Variants in ATP2B3 observed in about 807,000 individuals in gnomAD.
ATP2B3 encodes the protein ATPase plasma membrane Ca2+ transporting 3.
A neutral mutation model predicts 70.8 loss-of-function variants in ATP2B3; 12 were observed. The ratio of observed to expected loss-of-function variants is 0.17; its 90% CI spans 0.11 to 0.27. The LOEUF (loss-of-function observed/expected upper bound fraction) is 0.27. ATP2B3 is among the 10% of genes least tolerant of loss of function. The pLI, the probability that ATP2B3 is intolerant of heterozygous loss-of-function variation, is 1.00. For synonymous variants in ATP2B3, 460 were observed against 497.8 expected (o/e 0.92, Z 1.01); for missense variants, 858 against 1,118.5 (o/e 0.77, Z 3.32).
intron 13 of ATP2B3, among the ~76,000 whole-genome samples, chrX:153,554,103 C>T (rs782031987): frequency 2.7e-4 from 31 of 113,991 alleles, no homozygotes; most frequent in African/African-American, 9.5e-4. Flanking sequence ...TGCGTCTAAA[C>T]GCCAGCCATG....
intron 2 of ATP2B3, among the ~76,000 whole-genome samples, chrX:153,535,697 C>T (rs2090180763): frequency 8.9e-6 from 1 of 112,762 alleles, no homozygotes; most frequent in South Asian, 3.6e-4. Context: ...GGGAGTGAAC[C>T]GGAGTGAACA....
chrX:153,567,218 G>T (rs998784948), intron 21 of ATP2B3, among the ~76,000 whole-genome samples: 2 of 113,359 alleles, frequency 1.8e-5, no homozygotes, highest in Admixed American at 1.8e-4. Flanking sequence ...ACAGGCCAGG[G>T]GTGCAGCACA....
chrX:153,564,066 C>A (rs1345485443), intron 20 of ATP2B3, among the ~76,000 whole-genome samples: 1 of 112,252 alleles, frequency 8.9e-6, no homozygotes, highest in East Asian at 2.8e-4. Context: ...TTTACTCCTG[C>A]CAGGCTCCTT....
chrX:153,548,284 G>C (rs1557009661), intron 9 of ATP2B3, among the ~76,000 whole-genome samples: 1 of 111,709 alleles, frequency 9.0e-6, no homozygotes, highest in East Asian at 2.9e-4. Context: ...TCTGCCCCTG[G>C]CACCCTCAAA....
intron 2 of ATP2B3, among the ~76,000 whole-genome samples, chrX:153,519,920 A>G (rs1473558594): frequency 2.7e-5 from 3 of 112,918 alleles, no homozygotes; most frequent in African/African-American, 9.6e-5. Flanking sequence ...GGGGACAGCC[A>G]CAATGCCAGG....
At chrX:153,558,490 G>A (rs782708689) in intron 17 of ATP2B3, among the ~76,000 whole-genome samples, 187 bp downstream of exon 17, 6 of 112,550 alleles carry the variant, frequency 5.3e-5, no homozygotes, top group East Asian at 5.6e-4. Context: ...CATTCACCAC[G>A]TTGTGCAACC....
rs1486023084 is a variant in ATP2B3 at position 153,550,025 on chromosome X, T to C, written c.1582-20T>C. ...GTGGTCTCAGGCCCCCAGTGCCTGC[T>C]AGCCCTCGTCATCTTGCAGCCTCCT... On this transcript the variant is annotated intron_variant, in intron 11 of 21. Coordinates refer to ENST00000263519, the MANE Select transcript of ATP2B3 (RefSeq NM_001001344.3). 1.7e-6 allele frequency: 2 copies of C among 1,205,352 alleles called. No individual in the cohort carries two copies. The highest frequency in any genetic ancestry group is 2.2e-6 in the Non-Finnish European group (2 of 891,115).
intron 21 of ATP2B3, among the ~76,000 whole-genome samples, chrX:153,571,002 G>GCACACA (rs782372965): frequency 3.0e-4 from 8 of 26,748 alleles, no homozygotes; most frequent in East Asian, 8.2e-4. Context: ...ACGTGCGCGC[G>GCACACA]TACACACACA....
At position 153,580,208 on chromosome X, in the gene ATP2B3, C is replaced by G; in HGVS notation, c.3573C>G (p.Tyr1191Ter). 1 of 1,202,234 alleles carries G rather than the reference C, an allele frequency of 8.3e-7. No homozygotes were observed. The highest frequency in any genetic ancestry group is 1.1e-6 in the Non-Finnish European group (1 of 889,129). ...QNNNAIDSGI[Y>*]LTTHVTKSAT... ...ACAACGCCATAGACAGCGGCATCTA[C>G]CTGACCACGCATGTCACCAAGTCAG... Residue 1191 changes from tyrosine to a stop codon, truncating the protein, a stop_gained, in exon 22 of 22, where the codon TAC becomes TAG. Transcript: ENST00000263519. LOFTEE classifies it high-confidence loss of function.
intron 19 of ATP2B3, among the ~76,000 whole-genome samples, chrX:153,561,418 A>G (rs1303758906): frequency 8.9e-6 from 1 of 112,367 alleles, no homozygotes; most frequent in Non-Finnish European, 1.9e-5. Flanking sequence ...AAAGGTCAAG[A>G]GACAGTTGCC....
chrX:153,529,842 C>T (rs1188340968), intron 2 of ATP2B3, among the ~76,000 whole-genome samples: 5 of 111,863 alleles, frequency 4.5e-5, no homozygotes, highest in Admixed American at 1.9e-4. Context: ...CTGGCTCCTT[C>T]TACTGAGTCC....
Position 153,549,807 on chromosome X carries a change from C to T in ATP2B3, c.1581+68C>T, listed in dbSNP as rs782291781. On this transcript the variant is annotated intron_variant, in intron 11 of 21. Transcript: ENST00000263519. The stretch of plus-strand genomic sequence containing the variant: ...GCAGGGGAGGGTCCTGGCCAGGGTG[C>T]CAGGTGAGCTGTTGCAAGGTGCTCA... 3 of 1,144,447 alleles carry T rather than the reference C, an allele frequency of 2.6e-6. No homozygotes were observed. The Admixed American group carries it at 7.3e-5, about 28-fold the overall frequency. 94.3% of individuals were successfully genotyped at this position (1,144,447 alleles called of 1,213,427 possible). A position where few individuals can be genotyped will look rare whatever the true frequency, so the allele number is the denominator to read the frequency against.
chrX:153,582,650 T>C lies in ATP2B3; in HGVS notation c.*2352T>C, dbSNP rs1240390589. On this transcript the variant is annotated 3_prime_UTR_variant, in exon 22 of 22. Transcript: ENST00000263519. ...AAACGGGGTACCATGACCTGGAATC[T>C]TTTGCTCTTGTTTTTGCAGTCTTCA... The C allele has an allele frequency of 8.8e-6, 1 of 113,042 alleles. No homozygotes were observed. Among genetic ancestry groups the C allele is most frequent in the Non-Finnish European group, 1.9e-5 (1 of 53,378 alleles). The allele number at this position is 113,042 out of a possible 1,213,427, so 9.3% of individuals were successfully genotyped here.
In ATP2B3 at chrX:153,543,078, G is replaced by A; in HGVS notation, c.826G>A (p.Val276Met). ...HVMEGSGRMV[V>M]TAVGVNSQTG... The stretch of plus-strand genomic sequence containing the variant: ...CATGGAAGGTTCTGGAAGAATGGTG[G>A]TGACCGCCGTTGGCGTGAATTCCCA... The change falls in exon 7 of 22, where the codon GTG becomes ATG. Residue 276 changes from valine (V) to methionine (M), a missense_variant. Physicochemically the swap from Val to Met is conservative, Grantham distance 21 (BLOSUM62 1). Around this residue, in one of 5 missense-constraint regions of ATP2B3, gnomAD observed 278 missense variants for 366.2 expected, o/e 0.76. Transcript: ENST00000263519. 1 of 1,212,253 alleles carries A rather than the reference G, an allele frequency of 8.2e-7. No individual in the cohort carries two copies. Among genetic ancestry groups the A allele is most frequent in the Admixed American group, 2.2e-5 (1 of 46,160 alleles).
At chrX:153,534,152 G>T (rs1295148090) in intron 2 of ATP2B3, among the ~76,000 whole-genome samples, 1 of 111,055 alleles carries the variant, frequency 9.0e-6, no homozygotes, top group Non-Finnish European at 1.9e-5. Context: ...GCAGGGAGAA[G>T]GCGCCCTGGC....
Position 153,556,239 on chromosome X carries a change from G to A in ATP2B3, c.2238+11G>A. 8.3e-7 allele frequency: 1 copy of A among 1,206,622 alleles called. No homozygotes were observed. ...AATGAGAAAGGCGAGGTAGCACCCGGCTGTCTGCCACCCCAGACCCCCCTT... is the reference window on the plus strand; with the variant it reads ...AATGAGAAAGGCGAGGTAGCACCCGACTGTCTGCCACCCCAGACCCCCCTT... On this transcript the variant is annotated intron_variant, in intron 14 of 21. Coordinates refer to ENST00000263519, the MANE Select transcript of ATP2B3 (RefSeq NM_001001344.3).
At chrX:153,560,566 T>A (rs1195392586) in intron 18 of ATP2B3, 110 bp from the exon 19 acceptor site, 2 of 884,084 alleles carry the variant, frequency 2.3e-6, no homozygotes, top group African/African-American at 2.0e-5. Context: ...GAAGTGGCCA[T>A]CCCCTGGGAC....
At chrX:153,527,359 C>T (rs2090050109) in intron 2 of ATP2B3, among the ~76,000 whole-genome samples, 1 of 113,176 alleles carries the variant, frequency 8.8e-6, no homozygotes, top group African/African-American at 3.2e-5. Flanking sequence ...CCCATGCCGT[C>T]CCTGCCTTCG....
intron 17 of ATP2B3, among the ~76,000 whole-genome samples, chrX:153,558,830 T>A (rs1250722612): frequency 1.8e-5 from 2 of 111,789 alleles, no homozygotes; most frequent in South Asian, 3.7e-4. Flanking sequence ...GATGGACACA[T>A]GGCTCGTTCC....
Sources: allele counts gnomAD v4.1 joint callset (sites outside exome capture counted in the v4.1 genomes callset), GRCh38; gene constraint gnomAD v4.1.1; regional missense constraint gnomAD v4.1.1; transcripts MANE v1.5; gene names NCBI Gene and HGNC (gene_info 2026-07-23, HGNC 2026-07-21).